GRAP2: variants seen among roughly 807,000 people sequenced by gnomAD.
GRAP2 encodes GRB2-related adapter protein 2.
A neutral mutation model predicts 43.5 loss-of-function variants in GRAP2; 31 were observed. That is an observed-to-expected ratio of 0.71 (90% CI 0.54 to 0.96). The LOEUF is 0.96. Ranked by LOEUF, GRAP2 falls within the 40% of genes least tolerant of loss-of-function variation. GRAP2 has a pLI of 0.00. For missense variants in GRAP2, 371 were observed against 424.4 expected, an observed-to-expected ratio of 0.87 and a Z score of 1.11; for synonymous variants, 156 against 164.8, an observed-to-expected ratio of 0.95 and a Z score of 0.41.
chr22:39,912,270 A>AT (rs1253655823), intron 1 of GRAP2, among the ~76,000 whole-genome samples: 4 of 152,312 alleles, frequency 2.6e-5, no homozygotes, highest in East Asian at 3.9e-4. Flanking sequence ...AAAATTAAAA[A>AT]TTAGCCAGGG....
intron 2 of GRAP2, among the ~76,000 whole-genome samples, chr22:39,953,855 C>T (rs926646370): frequency 1.3e-5 from 2 of 152,218 alleles, no homozygotes; most frequent in African/African-American, 4.8e-5. Context: ...CTCAAGCGAT[C>T]GTCCACTTGG....
intron 1 of GRAP2, among the ~76,000 whole-genome samples, chr22:39,914,428 A>C (rs922949562): frequency 1.7e-4 from 26 of 152,298 alleles, no homozygotes; most frequent in Admixed American, 1.4e-3. Flanking sequence ...TCTAAATAAA[A>C]CTAGGATAAA....
chr22:39,933,921 G>A (rs969612882), intron 1 of GRAP2, among the ~76,000 whole-genome samples: 4 of 152,142 alleles, frequency 2.6e-5, no homozygotes, highest in African/African-American at 9.7e-5. Flanking sequence ...CAAGCAAGGA[G>A]AATAGGGTGG....
At chr22:39,922,891 A>G (rs1335633540) in intron 1 of GRAP2, among the ~76,000 whole-genome samples, 2 of 152,162 alleles carry the variant, frequency 1.3e-5, no homozygotes, top group Non-Finnish European at 2.9e-5. Flanking sequence ...AAATACAAAA[A>G]ATTAGCTGGG....
chr22:39,939,285 T>G (rs2066839544), intron 1 of GRAP2, among the ~76,000 whole-genome samples: 1 of 152,114 alleles, frequency 6.6e-6, no homozygotes. Flanking sequence ...GGTCCTGGCC[T>G]GGCGCGGTGG....
chr22:39,902,952 C>G (rs909193434), intron 1 of GRAP2, among the ~76,000 whole-genome samples: 1 of 152,172 alleles, frequency 6.6e-6, no homozygotes, highest in East Asian at 1.9e-4. Context: ...CACTTATTTC[C>G]TGAAGCCATC....
rs2067256438 is a variant in GRAP2, at chr22:39,972,545, G to A, written c.*1461G>A. 6.6e-6 allele frequency: 1 copy of A among 152,258 alleles called. No homozygotes were observed. The highest frequency in any genetic ancestry group is 1.5e-5 in the Non-Finnish European group (1 of 68,050). 9.4% of individuals were successfully genotyped at this position (152,258 alleles called of 1,614,324 possible). ...GGTGAAAGTGTTGGTGAGGGAGCCT[G>A]GAAGTTTTCTCTTCCCCAACCTCTC... On this transcript the variant is annotated 3_prime_UTR_variant, in exon 8 of 8. Coordinates refer to ENST00000344138, the MANE Select transcript of GRAP2 (RefSeq NM_004810.4).
At position 39,973,051 on chromosome 22, in the gene GRAP2, G is replaced by C. The variant is rs2067261812; in HGVS notation, c.*1967G>C. 6.5e-6 allele frequency: 1 copy of C among 152,946 alleles called. No individual in the cohort carries two copies. Among genetic ancestry groups the C allele is most frequent in the African/African-American group, 2.4e-5 (1 of 41,438 alleles). 9.5% of individuals were successfully genotyped at this position (152,946 alleles called of 1,614,324 possible). ...GCTGCGGAAGGCAGGGAGCAAAGAA[G>C]CATAAGGAAAAGAACAGGAGAAAGA... On this transcript the variant is annotated 3_prime_UTR_variant, in exon 8 of 8. Coordinates refer to ENST00000344138, the MANE Select transcript of GRAP2 (RefSeq NM_004810.4).
the GRAP2 span, among the ~76,000 whole-genome samples, chr22:39,895,454 A>C: frequency 6.6e-6 from 1 of 152,198 alleles, no homozygotes. Context: ...AGGGAAATCG[A>C]AAAGGTGACC....
chr22:39,947,143 G>C lies in GRAP2; in HGVS notation c.37G>C (p.Gly13Arg). Residue 13 changes from glycine to arginine, a missense_variant, in exon 2 of 8, where the codon GGT becomes CGT. Gly to Arg is a moderately radical substitution (Grantham distance 125). Coordinates refer to ENST00000344138, the MANE Select transcript of GRAP2 (RefSeq NM_004810.4). ...AVAKFDFTAS[G>R]EDELSFHTGD... ...TGCCAAGTTTGATTTCACTGCTTCAGGTGAGGATGAACTGAGCTTTCACAC... is the reference window on the plus strand; with the variant it reads ...TGCCAAGTTTGATTTCACTGCTTCACGTGAGGATGAACTGAGCTTTCACAC... The C allele has an allele frequency of 6.8e-6, 11 of 1,608,034 alleles. No homozygotes were observed. The highest frequency in any genetic ancestry group is 9.4e-6 in the Non-Finnish European group (11 of 1,174,384).
chr22:39,938,332 G>A (rs1374309322), intron 1 of GRAP2, among the ~76,000 whole-genome samples: 1 of 152,182 alleles, frequency 6.6e-6, no homozygotes, highest in Non-Finnish European at 1.5e-5. Flanking sequence ...AGGATATAAG[G>A]GATTTAAAAG....
At chr22:39,945,175 T>C (rs1418777015) in intron 1 of GRAP2, among the ~76,000 whole-genome samples, 1 of 152,242 alleles carries the variant, frequency 6.6e-6, no homozygotes. Context: ...CTTCGATAGA[T>C]GGATCTTGAA....
intron 4 of GRAP2, among the ~76,000 whole-genome samples, chr22:39,961,827 A>C (rs2067122959): frequency 6.6e-6 from 1 of 152,246 alleles, no homozygotes; most frequent in South Asian, 2.1e-4. Flanking sequence ...CTTTGTTTTA[A>C]GGACAGAAAT....
At chr22:39,944,165 T>C (rs1420287660) in intron 1 of GRAP2, among the ~76,000 whole-genome samples, 7 of 152,336 alleles carry the variant, frequency 4.6e-5, no homozygotes, top group Admixed American at 4.6e-4. Flanking sequence ...TTTGTTGTTG[T>C]TTCTCCAATG....
chr22:39,942,072 C>T (rs1420064204), intron 1 of GRAP2, among the ~76,000 whole-genome samples: 2 of 152,060 alleles, frequency 1.3e-5, no homozygotes, highest in South Asian at 2.1e-4. Context: ...TTTTATAAAG[C>T]GATTCACCAC....
intron 1 of GRAP2, among the ~76,000 whole-genome samples, chr22:39,906,250 A>G (rs959343109): frequency 6.6e-6 from 1 of 152,234 alleles, no homozygotes; most frequent in African/African-American, 2.4e-5. Flanking sequence ...ACGCAAGAGT[A>G]TAAGCCATTG....
In GRAP2 at chr22:39,970,946, G is replaced by T; in HGVS notation, c.855G>T (p.Leu285=). The T allele has an allele frequency of 1.2e-6, 2 of 1,613,438 alleles. No homozygotes were observed. The highest frequency in any genetic ancestry group is 1.7e-6 in the Non-Finnish European group (2 of 1,179,778). ...GGGCGCTGTATGACTTTGAGGCCCTGGAGGATGACGAGCTGGGGTTCCACA... is the reference window on the plus strand; with the variant it reads ...GGGCGCTGTATGACTTTGAGGCCCTTGAGGATGACGAGCTGGGGTTCCACA... ...WARALYDFEA[L]EDDELGFHSG... Residue 285 remains leucine (L), a synonymous_variant, in exon 8 of 8, where the codon CTG becomes CTT. Transcript: ENST00000344138.
intron 1 of GRAP2, among the ~76,000 whole-genome samples, chr22:39,918,442 AC>A (rs1210411265): frequency 6.6e-6 from 1 of 152,006 alleles, no homozygotes; most frequent in Non-Finnish European, 1.5e-5. Context: ...TCTGCCATTC[AC>A]CTCATTTGTA....
At chr22:39,913,431 C>T (rs968428807) in intron 1 of GRAP2, among the ~76,000 whole-genome samples, 3 of 152,182 alleles carry the variant, frequency 2.0e-5, no homozygotes, top group African/African-American at 7.2e-5. Context: ...GATGAAGACT[C>T]AGGAACAAGG....
Sources: gnomAD v4.1 joint callset for allele counts (sites outside exome capture counted in the v4.1 genomes callset) on GRCh38, gnomAD v4.1.1 for gene constraint, MANE v1.5 for transcripts, NCBI Gene and HGNC (gene_info 2026-07-23, HGNC 2026-07-21) for gene names.